The following FAT4 variants were observed in gnomAD, a reference collection of about 807,000 sequenced individuals.
The protein encoded by FAT4 is protocadherin Fat 4.
A neutral mutation model predicts 303.9 loss-of-function variants in FAT4; 84 were observed. The ratio of observed to expected loss-of-function variants is 0.28; its 90% CI spans 0.23 to 0.33. The LOEUF (loss-of-function observed/expected upper bound fraction) is 0.33, where lower values mean the gene tolerates loss of function less well. Ranked by LOEUF, FAT4 falls within the 10% of genes least tolerant of loss-of-function variation. FAT4 has a pLI of 1.00. For synonymous variants in FAT4, 2,307 were observed against 2,298.8 expected (o/e 1.00, Z -0.10); for missense variants, 6,005 against 6,146.8 (o/e 0.98, Z 0.77).
intron 5 of FAT4, among the ~76,000 whole-genome samples, chr4:125,409,696 T>G (rs932619789): frequency 2.0e-5 from 3 of 152,228 alleles, no homozygotes; most frequent in Admixed American, 6.5e-5. Flanking sequence ...CAAAAGCAAT[T>G]GGCAAACTTT....
intron 16 of FAT4, among the ~76,000 whole-genome samples, chr4:125,486,119 G>A (rs977454909): frequency 2.0e-5 from 3 of 149,460 alleles, no homozygotes; most frequent in Non-Finnish European, 4.4e-5. Context: ...CAATTAGGAG[G>A]AAAGAGCTGG....
intron 2 of FAT4, among the ~76,000 whole-genome samples, chr4:125,356,150 C>T (rs75898651): frequency 8.2e-4 from 125 of 152,098 alleles, no homozygotes; most frequent in African/African-American, 2.9e-3. Flanking sequence ...CTCAGAGTGG[C>T]CTTATCTTTG....
chr4:125,347,288 A>G (rs1442333675), intron 2 of FAT4, among the ~76,000 whole-genome samples: 1 of 151,176 alleles, frequency 6.6e-6, no homozygotes, highest in Admixed American at 6.6e-5. Context: ...ATACAGAAAC[A>G]TACACATGTA....
intron 10 of FAT4, 92 bp from the exon 11 acceptor site, chr4:125,463,471 C>T: frequency 7.9e-6 from 5 of 634,962 alleles, no homozygotes; most frequent in Non-Finnish European, 1.3e-5. Context: ...CGTGATATGC[C>T]TTAGGAAAGA....
Position 125,450,480 on chromosome 4 carries a change from A to G in FAT4, c.9470A>G (p.Glu3157Gly). The G allele has an allele frequency of 6.2e-7, 1 of 1,614,110 alleles. No individual in the cohort carries two copies. The highest frequency in any genetic ancestry group is 8.5e-7 in the Non-Finnish European group (1 of 1,180,010). The change falls in exon 10 of 18, where the codon GAG becomes GGG. Residue 3157 changes from glutamate (E) to glycine (G), a missense_variant. By Grantham distance (98) the Glu-to-Gly change is moderately conservative. Coordinates refer to ENST00000394329, the MANE Select transcript of FAT4 (RefSeq NM_001291303.3). ...ILTLAKALDY[E>G]LCQKHEMTIS... Reference sequence around the variant, plus strand: ...ACACTAGCCAAAGCTCTTGATTATGAGCTATGCCAGAAACACGAAATGACG... The same window carrying G: ...ACACTAGCCAAAGCTCTTGATTATGGGCTATGCCAGAAACACGAAATGACG...
At chr4:125,452,836 A>G (rs745635206) in intron 10 of FAT4, 26 bp downstream of exon 10, 1 of 1,562,656 alleles carries the variant, frequency 6.4e-7, no homozygotes, top group Non-Finnish European at 8.7e-7. Context: ...TACTTTTCTC[A>G]CTAAGACTTT....
intron 2 of FAT4, among the ~76,000 whole-genome samples, chr4:125,389,375 C>T (rs1219651085): frequency 1.3e-5 from 2 of 151,918 alleles, no homozygotes; most frequent in South Asian, 2.1e-4. Context: ...TGTGAAATAA[C>T]GTAATAAAAT....
chr4:125,322,807 T>C (rs1193213021), intron 2 of FAT4, among the ~76,000 whole-genome samples: 2 of 151,940 alleles, frequency 1.3e-5, no homozygotes, highest in East Asian at 1.9e-4. Flanking sequence ...TGGGGAAGAA[T>C]ATTTATGGCT....
intron 10 of FAT4, among the ~76,000 whole-genome samples, chr4:125,453,507 GAC>G (rs1287106448): frequency 6.6e-6 from 1 of 152,030 alleles, no homozygotes; most frequent in Admixed American, 6.6e-5. Context: ...GAGAGATCGA[GAC>G]CATCCTGGCC....
intron 2 of FAT4, among the ~76,000 whole-genome samples, chr4:125,358,721 T>C (rs1271562869): frequency 6.6e-6 from 1 of 152,116 alleles, no homozygotes; most frequent in Admixed American, 6.6e-5. Context: ...GCCCAGTTCA[T>C]ATCAGGCCGG....
chr4:125,386,306 C>G (rs1733746855), intron 2 of FAT4, among the ~76,000 whole-genome samples: 1 of 152,146 alleles, frequency 6.6e-6, no homozygotes, highest in Non-Finnish European at 1.5e-5. Context: ...GAGGCGGATT[C>G]TCACTCTGTT....
chr4:125,415,573 A>G lies in FAT4; in HGVS notation c.6610A>G (p.Ile2204Val), dbSNP rs1560808712. Residue 2204 changes from isoleucine (I) to valine (V), a missense_variant, in exon 6 of 18, where the codon ATA becomes GTA. By Grantham distance (29) the Ile-to-Val change is conservative. Transcript: ENST00000394329. The stretch of plus-strand genomic sequence containing the variant: ...TGGTAATACCAATCAGGAATTTCGG[A>G]TAGACTCTGTCACAGGTGCCATCAC... ...VNGNTNQEFR[I>V]DSVTGAITVA... The G allele has an allele frequency of 2.5e-6, 4 of 1,614,086 alleles. No individual in the cohort carries two copies. Among genetic ancestry groups the G allele is most frequent in the East Asian group, 2.2e-5 (1 of 44,864 alleles).
chr4:125,428,880 CTT>C (rs1338843332), intron 7 of FAT4, among the ~76,000 whole-genome samples: 1 of 152,114 alleles, frequency 6.6e-6, no homozygotes, highest in Non-Finnish European at 1.5e-5. Flanking sequence ...TATTTTACCC[CTT>C]TCATTGGCTC....
rs1007138651 is a variant in FAT4 at position 125,315,837 on chromosome 4, T to A, written c.-153T>A. Among the ~76,000 whole-genome samples, 9 of 152,168 alleles carry A rather than the reference T, an allele frequency of 5.9e-5. No individual in the cohort carries two copies. The highest frequency in any genetic ancestry group is 2.0e-4 in the Admixed American group (3 of 15,282). ...TGGAGGGGCGTTGCAGCCTGGTTTT[T>A]GAGGAGTGGGGACTCCAGGAATTCC... On this transcript the variant is annotated 5_prime_UTR_variant, in exon 1 of 18. Coordinates refer to ENST00000394329, the MANE Select transcript of FAT4 (RefSeq NM_001291303.3).
At position 125,448,864 on chromosome 4, in the gene FAT4, G is replaced by A. The variant is rs1725926885; in HGVS notation, c.7854G>A (p.Gln2618=). Residue 2618 remains glutamine, a synonymous_variant, in exon 10 of 18, where the codon CAG becomes CAA. Coordinates refer to ENST00000394329, the MANE Select transcript of FAT4 (RefSeq NM_001291303.3). ...GNLGNTFQID[Q]LTGQVSISQP... is the part of the protein sequence containing the mutation. ...TTGGCAATACTTTCCAGATTGATCA[G>A]TTAACAGGGCAGGTGTCTATTAGTC... The A allele has an allele frequency of 6.2e-7, 1 of 1,608,436 alleles. No individual in the cohort carries two copies. Among genetic ancestry groups the A allele is most frequent in the Admixed American group, 1.7e-5 (1 of 59,642 alleles).
Position 125,415,517 on chromosome 4 carries a change from C to T in FAT4, c.6554C>T (p.Thr2185Ile). ...QVFAADGDEGTNGQVRYGIVN... is the reference protein window; with the variant it reads ...QVFAADGDEGINGQVRYGIVN... ...TTCGCAGCAGATGGAGATGAAGGCACAAATGGACAGGTTCGCTATGGCATT... is the reference window on the plus strand; with the variant it reads ...TTCGCAGCAGATGGAGATGAAGGCATAAATGGACAGGTTCGCTATGGCATT... Residue 2185 changes from threonine (T) to isoleucine (I), a missense_variant, in exon 6 of 18, where the codon ACA becomes ATA. Transcript: ENST00000394329. 1.2e-6 allele frequency: 2 copies of T among 1,614,090 alleles called. No individual in the cohort carries two copies. The highest frequency in any genetic ancestry group is 1.7e-6 in the Non-Finnish European group (2 of 1,179,980).
At chr4:125,434,517 G>A (rs994694522) in intron 8 of FAT4, 92 bp downstream of exon 8, 54 of 1,129,272 alleles carry the variant, frequency 4.8e-5, no homozygotes, top group Admixed American at 3.5e-4. Context: ...TTAAATGAAC[G>A]TCATATTAAC....
intron 2 of FAT4, among the ~76,000 whole-genome samples, chr4:125,381,174 A>T (rs1436078425): frequency 6.6e-6 from 1 of 152,218 alleles, no homozygotes; most frequent in Non-Finnish European, 1.5e-5. Context: ...AAATTTACCC[A>T]GTTAGTCAGT....
At chr4:125,428,027 G>A (rs12512105) in intron 7 of FAT4, among the ~76,000 whole-genome samples, 22,596 of 151,934 alleles carry the variant, frequency 0.15, 1,838 homozygotes, top group South Asian at 0.27. Flanking sequence ...GGCCAGGTGC[G>A]GTGGCTCACA....
Sources: gnomAD v4.1 joint callset for allele counts (sites outside exome capture counted in the v4.1 genomes callset) on GRCh38, gnomAD v4.1.1 for gene constraint, MANE v1.5 for transcripts, NCBI Gene and HGNC (gene_info 2026-07-23, HGNC 2026-07-21) for gene names.